Variants in UBE2R2 observed in about 807,000 individuals in gnomAD.
The protein encoded by UBE2R2 is ubiquitin-conjugating enzyme E2 R2.
A neutral mutation model predicts 27.8 loss-of-function variants in UBE2R2; 1 was observed. That is an observed-to-expected ratio of 0.04 (90% CI 0.01 to 0.17). The LOEUF (loss-of-function observed/expected upper bound fraction) is 0.17, where lower values mean the gene tolerates loss of function less well. UBE2R2 is among the 10% of genes least tolerant of loss of function. The pLI is 1.00. For synonymous variants in UBE2R2, 106 were observed against 113.3 expected, an observed-to-expected ratio of 0.94 and a Z score of 0.41; for missense variants, 100 against 291.0, an observed-to-expected ratio of 0.34 and a Z score of 4.78.
At position 33,817,457 on chromosome 9, in the gene UBE2R2, TC is replaced by T. The variant is rs931365373; in HGVS notation, c.-299del. 1.4e-5 allele frequency: 2 copies of T among 143,560 alleles called. No individual in the cohort carries two copies. Among genetic ancestry groups the T allele is most frequent in the African/African-American group, 5.5e-5 (2 of 36,270 alleles). The allele number at this position is 143,560 out of a possible 1,614,324, so 8.9% of individuals were successfully genotyped here. On this transcript the variant is annotated 5_prime_UTR_variant, in exon 1 of 5. Coordinates refer to ENST00000263228, the MANE Select transcript of UBE2R2 (RefSeq NM_017811.4). ...TCCCCCCCCCCAAGTTGAGGCCCCC[TC>T]CGGGGGGGGGAGGCCCGGGACCGGG...
At chr9:33,881,337 C>A (rs954363347) in intron 1 of UBE2R2, among the ~76,000 whole-genome samples, 1 of 152,132 alleles carries the variant, frequency 6.6e-6, no homozygotes, top group East Asian at 1.9e-4. Flanking sequence ...ATAAAATTCA[C>A]CCTTTTAAAG....
intron 1 of UBE2R2, among the ~76,000 whole-genome samples, chr9:33,845,087 A>T (rs1820814325): frequency 6.6e-6 from 1 of 151,974 alleles, no homozygotes; most frequent in South Asian, 2.1e-4. Flanking sequence ...CTTGGTTTTT[A>T]ATCAACTGTT....
chr9:33,821,903 T>C (rs1188337815), intron 1 of UBE2R2, among the ~76,000 whole-genome samples: 2 of 152,146 alleles, frequency 1.3e-5, no homozygotes, highest in Non-Finnish European at 2.9e-5. Flanking sequence ...ATTAGAGGCC[T>C]GAGCCACCAC....
intron 1 of UBE2R2, among the ~76,000 whole-genome samples, chr9:33,884,777 T>C (rs1821820427): frequency 6.6e-6 from 1 of 152,202 alleles, no homozygotes; most frequent in African/African-American, 2.4e-5. Flanking sequence ...TCTTTTTTTT[T>C]TCTCCTGTTG....
intron 1 of UBE2R2, among the ~76,000 whole-genome samples, chr9:33,874,071 C>T (rs914493623): frequency 1.3e-5 from 2 of 151,906 alleles, no homozygotes; most frequent in Non-Finnish European, 2.9e-5. Context: ...TCTCAGCCGC[C>T]CAAGTAGCTG....
At chr9:33,828,286 A>T (rs1820360143) in intron 1 of UBE2R2, among the ~76,000 whole-genome samples, 1 of 150,816 alleles carries the variant, frequency 6.6e-6, no homozygotes, top group Non-Finnish European at 1.5e-5. Flanking sequence ...TGGGCAATAG[A>T]GCAAGACTAT....
rs1301846594 is a variant in UBE2R2, at chr9:33,829,792, CGTT to C, written c.177+11859_177+11861del. 1.1e-3 allele frequency among the ~76,000 whole-genome samples: 126 copies of C among 119,320 alleles called. 1 individual carries two copies. The highest frequency in any genetic ancestry group is 5.0e-3 in the Middle Eastern group (1 of 202). The allele number at this position is 119,320 out of a possible 152,430, so 78.3% of individuals were successfully genotyped here. ...TACAGCATCTTTAGATTAGTGCAAT[CGTT>C]TTTTTTTTTTTTTTTTTTTTAAACA... On this transcript the variant is annotated intron_variant, in intron 1 of 4. Coordinates refer to ENST00000263228, the MANE Select transcript of UBE2R2 (RefSeq NM_017811.4).
At chr9:33,869,335 A>G (rs1351018463) in intron 1 of UBE2R2, among the ~76,000 whole-genome samples, 9 of 152,086 alleles carry the variant, frequency 5.9e-5, no homozygotes, top group Non-Finnish European at 1.3e-4. Flanking sequence ...TAGGATAACA[A>G]AACTTATTTA....
chr9:33,881,987 A>G (rs1290973515), intron 1 of UBE2R2, among the ~76,000 whole-genome samples: 1 of 152,180 alleles, frequency 6.6e-6, no homozygotes, highest in Non-Finnish European at 1.5e-5. Context: ...CTTCTCCACC[A>G]GTATTTTTCC....
intron 1 of UBE2R2, among the ~76,000 whole-genome samples, chr9:33,880,111 C>G (rs1451606919): frequency 1.3e-5 from 2 of 151,906 alleles, no homozygotes; most frequent in Non-Finnish European, 2.9e-5. Context: ...CCCTCCAACT[C>G]CTGCGCTCAA....
chr9:33,863,466 CA>C (rs1469593469), intron 1 of UBE2R2, among the ~76,000 whole-genome samples: 1 of 150,628 alleles, frequency 6.6e-6, no homozygotes, highest in African/African-American at 2.4e-5. Context: ...GAGCCGAGAT[CA>C]AGATTGCGTT....
chr9:33,852,703 T>C (rs1376779061), intron 1 of UBE2R2, among the ~76,000 whole-genome samples: 3 of 152,052 alleles, frequency 2.0e-5, no homozygotes, highest in Admixed American at 2.0e-4. Flanking sequence ...ATGATTTTAA[T>C]TTTATCTTAA....
chr9:33,858,023 C>T (rs1821147399), intron 1 of UBE2R2, among the ~76,000 whole-genome samples: 1 of 152,186 alleles, frequency 6.6e-6, no homozygotes, highest in Admixed American at 6.6e-5. Flanking sequence ...GCACCAGTTT[C>T]TCCTAATGGA....
At chr9:33,882,825 A>G (rs1478023025) in intron 1 of UBE2R2, among the ~76,000 whole-genome samples, 1 of 152,212 alleles carries the variant, frequency 6.6e-6, no homozygotes, top group Non-Finnish European at 1.5e-5. Flanking sequence ...ATAGTGGCTG[A>G]TACCTGTAAT....
intron 1 of UBE2R2, among the ~76,000 whole-genome samples, chr9:33,853,086 G>T (rs1821004305): frequency 6.6e-6 from 1 of 152,092 alleles, no homozygotes; most frequent in African/African-American, 2.4e-5. Context: ...AACTGTTTTA[G>T]CAGTAAGAGA....
chr9:33,900,927 GTCTCTC>G (rs140918268), intron 3 of UBE2R2, among the ~76,000 whole-genome samples: 7 of 149,870 alleles, frequency 4.7e-5, no homozygotes, highest in Non-Finnish European at 1.0e-4. Context: ...CTCTGTCTCT[GTCTCTC>G]TCTCTCTCTC....
intron 1 of UBE2R2, among the ~76,000 whole-genome samples, chr9:33,857,674 A>G (rs533001929): frequency 1.2e-4 from 18 of 152,184 alleles, no homozygotes; most frequent in Non-Finnish European, 2.5e-4. Context: ...CTTGAAAGTC[A>G]TATTTAGTTA....
intron 1 of UBE2R2, among the ~76,000 whole-genome samples, chr9:33,850,408 C>T (rs1657411134): frequency 6.6e-6 from 1 of 152,124 alleles, no homozygotes; most frequent in Non-Finnish European, 1.5e-5. Context: ...TTAGTTGCTT[C>T]ATTTCTCAGT....
At chr9:33,879,626 T>C (rs749806937) in intron 1 of UBE2R2, among the ~76,000 whole-genome samples, 91 of 151,954 alleles carry the variant, frequency 6.0e-4, no homozygotes, top group Non-Finnish European at 1.2e-3. Context: ...CGAATTTTTG[T>C]ATTTTTTGTA....
Sources: allele counts gnomAD v4.1 joint callset (sites outside exome capture counted in the v4.1 genomes callset), GRCh38; gene constraint gnomAD v4.1.1; transcripts MANE v1.5; gene names NCBI Gene and HGNC (gene_info 2026-07-23, HGNC 2026-07-21).